AGTPBP1: variants seen among roughly 807,000 people sequenced by gnomAD.
AGTPBP1 encodes the protein cytosolic carboxypeptidase 1.
AGTPBP1 carries 70 observed loss-of-function variants against 143.9 expected under a neutral mutation model. The observed-to-expected ratio is 0.49, with a 90% CI of 0.40 to 0.59. The LOEUF (loss-of-function observed/expected upper bound fraction) is 0.59, where lower values mean the gene tolerates loss of function less well. Among genes scored for constraint, AGTPBP1 ranks in the 20% least tolerant of loss-of-function variants. AGTPBP1 has a pLI of 0.00. For synonymous variants in AGTPBP1, 463 were observed against 500.2 expected (o/e 0.93, Z 0.99); for missense variants, 1,229 against 1,464.5 (o/e 0.84, Z 2.62).
intron 17 of AGTPBP1, among the ~76,000 whole-genome samples, chr9:85,600,694 C>T (rs1829610210): frequency 6.6e-6 from 1 of 152,172 alleles, no homozygotes; most frequent in African/African-American, 2.4e-5. Context: ...ACACAGGGAG[C>T]TGCTTCGAGA....
At chr9:85,725,512 C>T (rs1838415607) in intron 1 of AGTPBP1, among the ~76,000 whole-genome samples, 1 of 152,038 alleles carries the variant, frequency 6.6e-6, no homozygotes, top group Non-Finnish European at 1.5e-5. Context: ...ATCAGCCTCT[C>T]CCTCTCAAAT....
chr9:85,654,592 C>T (rs1833375695), intron 11 of AGTPBP1, among the ~76,000 whole-genome samples: 1 of 152,086 alleles, frequency 6.6e-6, no homozygotes, highest in Admixed American at 6.5e-5. Context: ...CCTGTAATCC[C>T]AGCACTTTGG....
intron 21 of AGTPBP1, 36 bp downstream of exon 21, chr9:85,588,262 G>T: frequency 6.5e-7 from 1 of 1,529,032 alleles, no homozygotes; most frequent in South Asian, 1.2e-5. Flanking sequence ...AACCACAATG[G>T]TCTTGAATAT....
chr9:85,622,572 T>G (rs1410264221), intron 14 of AGTPBP1, among the ~76,000 whole-genome samples: 1 of 152,080 alleles, frequency 6.6e-6, no homozygotes, highest in Non-Finnish European at 1.5e-5. Flanking sequence ...ATCTACTAGT[T>G]AAACAGTTAA....
upstream of AGTPBP1, among the ~76,000 whole-genome samples, chr9:85,742,323 C>G (rs1353396949): frequency 3.9e-5 from 6 of 152,134 alleles, no homozygotes; most frequent in Non-Finnish European, 5.9e-5. Flanking sequence ...CCAACGAGGG[C>G]CCCAGCCTTT....
chr9:85,692,646 A>C (rs1835955833), intron 3 of AGTPBP1, 43 bp downstream of exon 3: 1 of 1,589,738 alleles, frequency 6.3e-7, no homozygotes, highest in South Asian at 1.1e-5. Flanking sequence ...CTTTTAAAGA[A>C]TTAAAAAAGC....
intron 25 of AGTPBP1, among the ~76,000 whole-genome samples, chr9:85,572,004 GTTTTTTTTTT>G (rs55882437): frequency 4.6e-5 from 2 of 43,494 alleles, no homozygotes; most frequent in African/African-American, 1.3e-4. Context: ...GTTTGTGTGT[GTTTTTTTTTT>G]TTTTTTTTTT....
In AGTPBP1 at chr9:85,707,496, G is replaced by A. The variant is rs182267112; in HGVS notation, c.32+5006C>T. Reference sequence around the variant, plus strand: ...TGATAAACTTTCAACCAGGCTGATTGAGAAAAAAAAACAAAACACTAATTC... The same window carrying A: ...TGATAAACTTTCAACCAGGCTGATTAAGAAAAAAAAACAAAACACTAATTC... On this transcript the variant is annotated intron_variant, in intron 2 of 25. Coordinates refer to ENST00000357081, the MANE Select transcript of AGTPBP1 (RefSeq NM_001330701.2). Among the ~76,000 whole-genome samples, 16 of 151,214 alleles carry A rather than the reference G, an allele frequency of 1.1e-4. No homozygotes were observed. In the East Asian group the frequency reaches 3.1e-3, roughly 29 times the overall value.
chr9:85,588,191 C>G (rs1204646388), intron 21 of AGTPBP1, 107 bp downstream of exon 21: 8 of 1,027,722 alleles, frequency 7.8e-6, no homozygotes, highest in Admixed American at 7.3e-5. Context: ...TTTCTTTATT[C>G]TAGAAAAATC....
At chr9:85,613,554 T>C (rs1373538387) in intron 17 of AGTPBP1, among the ~76,000 whole-genome samples, 1 of 151,532 alleles carries the variant, frequency 6.6e-6, no homozygotes, top group African/African-American at 2.4e-5. Context: ...CAAGACTCCC[T>C]CAACAAAAAA....
chr9:85,685,969 C>T (rs572700221), intron 3 of AGTPBP1, among the ~76,000 whole-genome samples: 3 of 151,666 alleles, frequency 2.0e-5, no homozygotes, highest in Non-Finnish European at 4.4e-5. Context: ...AGAGGTATAA[C>T]TAAAAAGCCA....
At chr9:85,637,298 C>T (rs987536654) in intron 13 of AGTPBP1, among the ~76,000 whole-genome samples, 12 of 152,184 alleles carry the variant, frequency 7.9e-5, no homozygotes, top group Admixed American at 7.2e-4. Context: ...CCGCTTCAGC[C>T]TCTGAAAGTG....
chr9:85,605,806 G>C (rs1829955315), intron 17 of AGTPBP1, among the ~76,000 whole-genome samples: 1 of 151,994 alleles, frequency 6.6e-6, no homozygotes, highest in Non-Finnish European at 1.5e-5. Context: ...GTTAATGTTT[G>C]TTTTTACAAT....
chr9:85,611,155 C>CTTTTTTTTTTTTTTT (rs56023115), intron 17 of AGTPBP1, among the ~76,000 whole-genome samples: 13 of 112,730 alleles, frequency 1.2e-4, no homozygotes, highest in Non-Finnish European at 2.0e-4. Context: ...AGGGGCTTTT[C>CTTTTTTTTTTTTTTT]TTTTTTTTTT....
intron 13 of AGTPBP1, among the ~76,000 whole-genome samples, chr9:85,634,410 AC>A (rs139392425): frequency 6.6e-6 from 1 of 152,266 alleles, no homozygotes; most frequent in East Asian, 1.9e-4. Context: ...GTGGAAGAAC[AC>A]CTGAGGTGTT....
the AGTPBP1 span, among the ~76,000 whole-genome samples, chr9:85,776,798 A>C: frequency 6.6e-6 from 1 of 152,160 alleles, no homozygotes; most frequent in Non-Finnish European, 1.5e-5. Flanking sequence ...GGCCAGCAGA[A>C]CGTAATGTTG....
intron 8 of AGTPBP1, among the ~76,000 whole-genome samples, chr9:85,664,731 C>T (rs568024685): frequency 6.6e-6 from 1 of 152,198 alleles, no homozygotes; most frequent in South Asian, 2.1e-4. Context: ...AAAGCTGAGA[C>T]AAAATATTTA....
intron 2 of AGTPBP1, among the ~76,000 whole-genome samples, chr9:85,709,296 G>C (rs1837215337): frequency 6.6e-6 from 1 of 152,062 alleles, no homozygotes; most frequent in African/African-American, 2.4e-5. Context: ...AAAATTCTCA[G>C]CATACTAGAA....
At chr9:85,567,312 T>A (rs1438055773) in intron 25 of AGTPBP1, among the ~76,000 whole-genome samples, 1 of 152,128 alleles carries the variant, frequency 6.6e-6, no homozygotes, top group African/African-American at 2.4e-5. Flanking sequence ...ATGTGAGGGC[T>A]GGGTGTGGTG....
Sources: allele counts gnomAD v4.1 joint callset (sites outside exome capture counted in the v4.1 genomes callset), GRCh38; gene constraint gnomAD v4.1.1; transcripts MANE v1.5; gene names NCBI Gene and HGNC (gene_info 2026-07-23, HGNC 2026-07-21).